The following NOX3 variants were observed in gnomAD, a reference collection of about 807,000 sequenced individuals.
The protein encoded by NOX3 is NADPH oxidase catalytic subunit-like 3.
In NOX3, 74 loss-of-function variants were observed where a neutral mutation model predicts 76.7. The observed-to-expected ratio is 0.96, with a 90% CI of 0.80 to 1.17. The LOEUF (loss-of-function observed/expected upper bound fraction) is 1.17, where lower values mean the gene tolerates loss of function less well. Ranked by LOEUF, NOX3 falls within the 50% of genes most tolerant of loss-of-function variation. The pLI is 0.00. For synonymous variants in NOX3, 263 were observed against 261.1 expected, an observed-to-expected ratio of 1.01 and a Z score of -0.07; for missense variants, 695 against 703.3, an observed-to-expected ratio of 0.99 and a Z score of 0.13.
intron 4 of NOX3, among the ~76,000 whole-genome samples, chr6:155,449,942 AT>A (rs879933592): frequency 2.6e-5 from 4 of 152,116 alleles, no homozygotes; most frequent in Non-Finnish European, 4.4e-5. Context: ...AAGGCTTAGC[AT>A]TTTTTTTCCT....
chr6:155,431,325 A>G (rs1776829435), intron 7 of NOX3, among the ~76,000 whole-genome samples: 2 of 152,158 alleles, frequency 1.3e-5, no homozygotes, highest in Admixed American at 6.5e-5. Flanking sequence ...AACACAGGAC[A>G]TAAGAAATTA....
At chr6:155,406,848 C>T (rs932133167) in intron 12 of NOX3, among the ~76,000 whole-genome samples, 1 of 152,126 alleles carries the variant, frequency 6.6e-6, no homozygotes, top group South Asian at 2.1e-4. Context: ...ATCAACTGTA[C>T]CCACCAAAGA....
chr6:155,447,601 C>T (rs531775708), intron 4 of NOX3, among the ~76,000 whole-genome samples: 1 of 152,300 alleles, frequency 6.6e-6, no homozygotes, highest in South Asian at 2.1e-4. Flanking sequence ...ACTATTCTCT[C>T]CAGTATTTGT....
chr6:155,422,943 A>G lies in NOX3; in HGVS notation c.1146-87T>C. The G allele has an allele frequency of 4.2e-6, 6 of 1,415,984 alleles. No homozygotes were observed. In the South Asian group the frequency reaches 6.3e-5, roughly 15 times the overall value. The allele number at this position is 1,415,984 out of a possible 1,614,324, so 87.7% of individuals were successfully genotyped here. On this transcript the variant is annotated intron_variant, in intron 9 of 13. Transcript: ENST00000159060. ...ACCATCCGGAGCTGGTGCTTTTTAC[A>G]GGACGTGTTTGCCAGTGCATGCAGA... is the stretch of plus-strand genomic sequence containing the variant.
rs566783441 is a variant in NOX3 at position 155,401,841 on chromosome 6, T to C, written c.1581-4879A>G. The stretch of plus-strand genomic sequence containing the variant: ...CTTTAAAGTTTTTATGGTAATTAAT[T>C]ACATCAAATTTACACCTAAAAGGCG... On this transcript the variant is annotated intron_variant, in intron 12 of 13. Transcript: ENST00000159060. Among the ~76,000 whole-genome samples the C allele has an allele frequency of 2.7e-3, 406 of 151,522 alleles. 1 individual carries two copies. Among genetic ancestry groups the C allele is most frequent in the Middle Eastern group, 0.02 (6 of 294 alleles).
At position 155,428,983 on chromosome 6, in the gene NOX3, G is replaced by A. The variant is rs750871184; in HGVS notation, c.956C>T (p.Pro319Leu). Residue 319 changes from proline to leucine, a missense_variant, in exon 9 of 14, where the codon CCA becomes CTA. By Grantham distance (98) the Pro-to-Leu change is moderately conservative. Transcript: ENST00000159060. ...GCACTGCACCAAGATGTACTGCCCT[G>A]GCGCCATTTTAAAGCCACGCTTTTT... ...HMKKRGFKMA[P>L]GQYILVQCPA... 1.9e-6 allele frequency: 3 copies of A among 1,612,906 alleles called. No individual in the cohort carries two copies. The highest frequency in any genetic ancestry group is 3.3e-5 in the Admixed American group (2 of 59,974).
intron 10 of NOX3, 45 bp from the exon 11 acceptor site, chr6:155,411,405 A>C (rs745971630): frequency 1.9e-6 from 3 of 1,552,268 alleles, no homozygotes; most frequent in Non-Finnish European, 1.7e-6. Context: ...CTCTTTTCAT[A>C]TGTGCTGATA....
chr6:155,399,522 T>C (rs1489612679), intron 12 of NOX3, among the ~76,000 whole-genome samples: 1 of 152,188 alleles, frequency 6.6e-6, no homozygotes, highest in Non-Finnish European at 1.5e-5. Context: ...CCATTTATTA[T>C]CTACCTTCTG....
chr6:155,421,311 T>A (rs988004628), intron 10 of NOX3, among the ~76,000 whole-genome samples: 5 of 152,206 alleles, frequency 3.3e-5, no homozygotes, highest in Non-Finnish European at 5.9e-5. Context: ...TGTTACTTAC[T>A]TTATAAGGTT....
chr6:155,428,328 T>A (rs1231160608), intron 9 of NOX3, among the ~76,000 whole-genome samples: 1 of 152,212 alleles, frequency 6.6e-6, no homozygotes, highest in Non-Finnish European at 1.5e-5. Flanking sequence ...GATGAGGTCA[T>A]GCTGGAGTGG....
At chr6:155,433,088 C>T (rs1776855420) in intron 7 of NOX3, among the ~76,000 whole-genome samples, 1 of 152,196 alleles carries the variant, frequency 6.6e-6, no homozygotes, top group African/African-American at 2.4e-5. Context: ...GCATCACAAA[C>T]TTCATTTTGG....
intron 4 of NOX3, among the ~76,000 whole-genome samples, chr6:155,445,997 A>ATAT (rs1554264832): frequency 1.5e-5 from 1 of 65,556 alleles, no homozygotes; most frequent in South Asian, 4.5e-4. Context: ...ATATATATAT[A>ATAT]ATATATATAT....
At position 155,407,134 on chromosome 6, in the gene NOX3, G is replaced by A. The variant is rs764302617; in HGVS notation, c.1576C>T (p.Pro526Ser). ...AGGAGCAAGAGCTTGCCTTACCTGG[G>A]GTGATTGTAGGCAATCTGCTTGAAC... ...NEFKQIAYNH[P>S]SSSIGVFFCG... Residue 526 changes from proline to serine, a missense_variant, in exon 12 of 14, where the codon CCC becomes TCC. Coordinates refer to ENST00000159060, the MANE Select transcript of NOX3 (RefSeq NM_015718.3). 7 of 1,613,842 alleles carry A rather than the reference G, an allele frequency of 4.3e-6. No homozygotes were observed. Among genetic ancestry groups the A allele is most frequent in the South Asian group, 2.2e-5 (2 of 91,080 alleles).
rs766102074 is a variant in NOX3, at chr6:155,455,123, A to G, written c.55T>C (p.Trp19Arg). Residue 19 changes from tryptophan (W) to arginine (R), a missense_variant, in exon 2 of 14, where the codon TGG (tryptophan) becomes CGG (arginine). Trp to Arg is a moderately radical substitution (Grantham distance 101). Coordinates refer to ENST00000159060, the MANE Select transcript of NOX3 (RefSeq NM_015718.3). ...EGLSTILVLS[W>R]LGINFYLFID... ...AACAGATAAAAATTTATTCCCAGCC[A>G]TGAGAGCTAGAGTAGAAAGGAAAGA... The G allele has an allele frequency of 1.2e-6, 2 of 1,607,026 alleles. No individual in the cohort carries two copies. The highest frequency in any genetic ancestry group is 1.7e-5 in the Admixed American group (1 of 59,824).
At chr6:155,406,825 T>G (rs950323957) in intron 12 of NOX3, among the ~76,000 whole-genome samples, 8 of 152,210 alleles carry the variant, frequency 5.3e-5, no homozygotes, top group Non-Finnish European at 1.0e-4. Context: ...ATTCTCCAGT[T>G]GGGTAATTAG....
At chr6:155,443,018 G>A (rs891570847) in intron 5 of NOX3, among the ~76,000 whole-genome samples, 1 of 152,094 alleles carries the variant, frequency 6.6e-6, no homozygotes, top group African/African-American at 2.4e-5. Flanking sequence ...ACAGGTTACT[G>A]CGTTTCTAGT....
chr6:155,453,379 C>A (rs368217945), intron 4 of NOX3, 25 bp downstream of exon 4: 1 of 1,513,824 alleles, frequency 6.6e-7, no homozygotes, highest in Non-Finnish European at 9.2e-7. Context: ...TTGTAAAATC[C>A]ATTGAGCAAT....
intron 4 of NOX3, among the ~76,000 whole-genome samples, chr6:155,444,251 A>G (rs994634891): frequency 1.3e-5 from 2 of 152,208 alleles, no homozygotes; most frequent in African/African-American, 4.8e-5. Flanking sequence ...TCCAGGAATA[A>G]GCAATTTGTG....
intron 4 of NOX3, among the ~76,000 whole-genome samples, chr6:155,445,985 A>ATATAT (rs1399436400): frequency 2.4e-5 from 3 of 123,864 alleles, no homozygotes; most frequent in African/African-American, 8.5e-5. Context: ...TATATGCTAT[A>ATATAT]TATATATATA....
Sources: allele counts gnomAD v4.1 joint callset (sites outside exome capture counted in the v4.1 genomes callset), GRCh38; gene constraint gnomAD v4.1.1; transcripts MANE v1.5; gene names NCBI Gene and HGNC (gene_info 2026-07-23, HGNC 2026-07-21).